The following DPP6 variants were observed in gnomAD, a reference collection of about 807,000 sequenced individuals.
DPP6 encodes the protein dipeptidyl peptidase like 6, also known as A-type potassium channel modulatory protein DPP6.
DPP6 carries 69 observed loss-of-function variants against 122.6 expected under a neutral mutation model. The observed-to-expected ratio is 0.56, with a 90% CI of 0.46 to 0.69. The LOEUF (loss-of-function observed/expected upper bound fraction) is 0.69, where lower values mean the gene tolerates loss of function less well. Ranked by LOEUF, DPP6 falls within the 30% of genes least tolerant of loss-of-function variation. The pLI, the probability that DPP6 is intolerant of heterozygous loss-of-function variation, is 0.00. For missense variants in DPP6, 928 were observed against 1,116.9 expected, an observed-to-expected ratio of 0.83 and a Z score of 2.41; for synonymous variants, 418 against 433.1, an observed-to-expected ratio of 0.97 and a Z score of 0.43.
chr7:154,713,148 G>C (rs1841291538), intron 7 of DPP6, among the ~76,000 whole-genome samples: 1 of 152,220 alleles, frequency 6.6e-6, no homozygotes, highest in Non-Finnish European at 1.5e-5. Flanking sequence ...CCAAAAATGT[G>C]TTTCACGTCT....
chr7:153,814,164 T>C, the DPP6 span, among the ~76,000 whole-genome samples: 1 of 152,150 alleles, frequency 6.6e-6, no homozygotes, highest in East Asian at 1.9e-4. Flanking sequence ...AGGTCTAATG[T>C]TTAAGTCTTT....
rs867628597 is a variant in DPP6 at position 154,090,937 on chromosome 7, A to C, written c.243+37874A>C. Among the ~76,000 whole-genome samples the C allele has an allele frequency of 1.3e-5, 2 of 148,926 alleles. 1 individual carries two copies. The highest frequency in any genetic ancestry group is 4.4e-4 in the South Asian group (2 of 4,588). ...AGATCGAGACCATCCTGGCTAACAC[A>C]GTGAAACCCCGTCTCTACTAAAAAT... On this transcript the variant is annotated intron_variant, in intron 1 of 25. Transcript: ENST00000377770.
chr7:154,386,635 C>T (rs1814136249), intron 1 of DPP6, among the ~76,000 whole-genome samples: 1 of 152,090 alleles, frequency 6.6e-6, no homozygotes, highest in Non-Finnish European at 1.5e-5. Flanking sequence ...AGGAAGGCAA[C>T]TTTTTTAAGC....
chr7:154,649,731 C>T (rs142016025), intron 6 of DPP6, among the ~76,000 whole-genome samples: 1 of 152,370 alleles, frequency 6.6e-6, no homozygotes, highest in African/African-American at 2.4e-5. Context: ...GCAGGAGCAG[C>T]AGCCTGACTG....
At chr7:154,243,422 G>T (rs1387495440) in intron 1 of DPP6, among the ~76,000 whole-genome samples, 15 of 152,144 alleles carry the variant, frequency 9.9e-5, no homozygotes, top group Non-Finnish European at 2.1e-4. Context: ...AGGGAAAGTT[G>T]CAGTAGAGAA....
intron 1 of DPP6, among the ~76,000 whole-genome samples, chr7:154,064,554 T>G (rs530870385): frequency 1.6e-3 from 244 of 152,318 alleles, no homozygotes; most frequent in African/African-American, 5.7e-3. Flanking sequence ...TCTTTAGAAC[T>G]GAAGACCAGA....
intron 1 of DPP6, among the ~76,000 whole-genome samples, chr7:154,308,246 G>A (rs1169183574): frequency 7.1e-6 from 1 of 141,740 alleles, no homozygotes; most frequent in African/African-American, 2.6e-5. Context: ...CAAATTAGGG[G>A]GGAAATTAGA....
chr7:153,986,066 G>A (rs143216840), intron 1 of DPP6, among the ~76,000 whole-genome samples: 1,707 of 152,252 alleles, frequency 0.011, 32 homozygotes, highest in African/African-American at 0.038. Context: ...GTTCAGGGTC[G>A]TATGGCTGTA....
At position 154,757,610 on chromosome 7, in the gene DPP6, C is replaced by T. The variant is rs542133232; in HGVS notation, c.884-11807C>T. Among the ~76,000 whole-genome samples the T allele has an allele frequency of 8.5e-4, 130 of 152,302 alleles. 2 individuals are homozygous for T. The South Asian group carries it at 0.013, about 16-fold the overall frequency. ...GCTCAGATTTCTGCTTCCTGATCCA[C>T]GGTAAGATGTTTCCTCCCTAGCTGG... On this transcript the variant is annotated intron_variant, in intron 8 of 25. Transcript: ENST00000377770.
At chr7:154,891,145 C>T (rs1304671439) in intron 25 of DPP6, 2 of 152,198 alleles carry the variant, frequency 1.3e-5, no homozygotes, top group Non-Finnish European at 2.9e-5. Context: ...GTGGGAGAAT[C>T]ACTTGAGCCC....
the DPP6 span, among the ~76,000 whole-genome samples, chr7:153,813,836 G>A: frequency 1.3e-5 from 2 of 152,034 alleles, no homozygotes; most frequent in African/African-American, 4.8e-5. Context: ...TTTGAGAAGT[G>A]TCTGTTCATG....
chr7:154,808,117 G>A (rs964613931), intron 16 of DPP6, among the ~76,000 whole-genome samples: 3 of 152,192 alleles, frequency 2.0e-5, no homozygotes, highest in African/African-American at 7.2e-5. Context: ...ATATGCCACA[G>A]GCAGAGACTA....
At chr7:154,812,445 C>G (rs975510780) in intron 16 of DPP6, among the ~76,000 whole-genome samples, 4 of 152,154 alleles carry the variant, frequency 2.6e-5, no homozygotes, top group African/African-American at 9.7e-5. Flanking sequence ...TTATTTCTCA[C>G]AGTTCTGGAA....
chr7:154,331,041 C>T (rs1189415024), intron 1 of DPP6, among the ~76,000 whole-genome samples: 1 of 152,214 alleles, frequency 6.6e-6, no homozygotes, highest in African/African-American at 2.4e-5. Context: ...CTCCCAGTTA[C>T]CACGATTGCT....
At chr7:153,779,154 C>G in the DPP6 span, among the ~76,000 whole-genome samples, 1 of 148,122 alleles carries the variant, frequency 6.8e-6, no homozygotes, top group Non-Finnish European at 1.5e-5. Flanking sequence ...AAGATCAGAT[C>G]TTACATTTTA....
chr7:154,503,099 T>C (rs914575129), intron 3 of DPP6, among the ~76,000 whole-genome samples: 2 of 152,166 alleles, frequency 1.3e-5, no homozygotes, highest in African/African-American at 4.8e-5. Context: ...CTGTTTCTGC[T>C]CTAGAAGGGA....
chr7:154,017,642 G>A (rs1322435173), intron 1 of DPP6, among the ~76,000 whole-genome samples: 4 of 150,246 alleles, frequency 2.7e-5, no homozygotes, highest in African/African-American at 4.9e-5. Context: ...TAAGGTTGCA[G>A]TGAGCTATGA....
At chr7:153,832,813 C>T in the DPP6 span, among the ~76,000 whole-genome samples, 2 of 152,176 alleles carry the variant, frequency 1.3e-5, no homozygotes, top group African/African-American at 4.8e-5. Context: ...GCATAAGTGA[C>T]TTTATTTCAA....
At chr7:154,447,884 A>G (rs1005958495) in intron 2 of DPP6, among the ~76,000 whole-genome samples, 2 of 152,214 alleles carry the variant, frequency 1.3e-5, no homozygotes, top group African/African-American at 4.8e-5. Flanking sequence ...ATTTCCTGAC[A>G]AAAGACTCAA....
Sources: allele counts gnomAD v4.1 joint callset (sites outside exome capture counted in the v4.1 genomes callset), GRCh38; gene constraint gnomAD v4.1.1; transcripts MANE v1.5; gene names NCBI Gene and HGNC (gene_info 2026-07-23, HGNC 2026-07-21).